ETV1: variants seen among roughly 807,000 people sequenced by gnomAD.
ETV1 encodes the protein ETS translocation variant 1.
A neutral mutation model predicts 62.3 loss-of-function variants in ETV1; 27 were observed. That is an observed-to-expected ratio of 0.43 (90% CI 0.32 to 0.60). The LOEUF (loss-of-function observed/expected upper bound fraction) is 0.60, where lower values mean the gene tolerates loss of function less well. Ranked by LOEUF, ETV1 falls within the 20% of genes least tolerant of loss-of-function variation. The probability of loss-of-function intolerance (pLI) is 0.06; values close to 1 mark genes in which losing one functional copy is unlikely to be tolerated. For missense variants in ETV1, 605 were observed against 605.8 expected, an observed-to-expected ratio of 1.00 and a Z score of 0.01; for synonymous variants, 222 against 199.6, an observed-to-expected ratio of 1.11 and a Z score of -0.94.
intron 5 of ETV1, among the ~76,000 whole-genome samples, chr7:13,981,232 G>A (rs757034091): frequency 1.4e-4 from 21 of 152,054 alleles, no homozygotes; most frequent in Non-Finnish European, 3.1e-4. Flanking sequence ...AGATGTATGA[G>A]TCATTCTTTC....
intron 9 of ETV1, among the ~76,000 whole-genome samples, chr7:13,922,278 C>T (rs931963573): frequency 3.9e-5 from 6 of 152,176 alleles, no homozygotes; most frequent in African/African-American, 1.4e-4. Context: ...AGAAGGCATA[C>T]ATTCGTAACA....
chr7:13,934,656 A>T (rs1384397693), intron 8 of ETV1, among the ~76,000 whole-genome samples: 3 of 152,166 alleles, frequency 2.0e-5, no homozygotes, highest in African/African-American at 7.2e-5. Flanking sequence ...AAAATGCAAA[A>T]CTCATCACTT....
intron 9 of ETV1, among the ~76,000 whole-genome samples, chr7:13,914,174 C>T (rs1049216478): frequency 8.6e-5 from 13 of 151,294 alleles, no homozygotes; most frequent in African/African-American, 2.4e-4. Context: ...CATGAGTCAC[C>T]GCGCCCGGCC....
chr7:13,923,710 G>T (rs1057407982), intron 9 of ETV1, among the ~76,000 whole-genome samples: 1 of 152,058 alleles, frequency 6.6e-6, no homozygotes, highest in African/African-American at 2.4e-5. Flanking sequence ...CCTGGGAGGG[G>T]TTGTTGGGGT....
chr7:13,985,800 A>G (rs966894891), intron 5 of ETV1, among the ~76,000 whole-genome samples: 26 of 152,206 alleles, frequency 1.7e-4, no homozygotes, highest in African/African-American at 6.3e-4. Flanking sequence ...GAATGCCAAC[A>G]GAAGTCCCTC....
At chr7:13,907,574 T>C (rs1783097565) in intron 11 of ETV1, among the ~76,000 whole-genome samples, 1 of 152,114 alleles carries the variant, frequency 6.6e-6, no homozygotes, top group Non-Finnish European at 1.5e-5. Context: ...TCATGACTTC[T>C]GATTATTTAC....
intron 6 of ETV1, among the ~76,000 whole-genome samples, chr7:13,964,578 C>T (rs549446510): frequency 3.9e-4 from 59 of 152,116 alleles, no homozygotes; most frequent in African/African-American, 1.2e-3. Flanking sequence ...CATTGATAAA[C>T]GAGACAAAAC....
intron 6 of ETV1, among the ~76,000 whole-genome samples, chr7:13,959,710 C>G (rs1479300998): frequency 6.6e-6 from 1 of 151,724 alleles, no homozygotes; most frequent in East Asian, 2.0e-4. Flanking sequence ...ATCGTGAAAC[C>G]CTGTCTCTAC....
intron 11 of ETV1, among the ~76,000 whole-genome samples, chr7:13,909,107 C>G (rs1048854375): frequency 4.0e-5 from 6 of 148,334 alleles, no homozygotes; most frequent in Admixed American, 6.8e-5. Context: ...CAAAGTCATG[C>G]TACATTAGTA....
At chr7:13,931,173 T>A (rs1352979406) in intron 9 of ETV1, among the ~76,000 whole-genome samples, 2 of 152,114 alleles carry the variant, frequency 1.3e-5, no homozygotes, top group African/African-American at 4.8e-5. Context: ...AGTAGCACTG[T>A]AGTAGCAAAA....
At chr7:13,948,074 T>C (rs1455253978) in intron 6 of ETV1, among the ~76,000 whole-genome samples, 1 of 152,252 alleles carries the variant, frequency 6.6e-6, no homozygotes, top group African/African-American at 2.4e-5. Flanking sequence ...TTAGGCAATC[T>C]GCCTTCTTTC....
At chr7:13,956,370 G>C (rs1260858997) in intron 6 of ETV1, among the ~76,000 whole-genome samples, 3 of 151,572 alleles carry the variant, frequency 2.0e-5, no homozygotes, top group African/African-American at 4.9e-5. Flanking sequence ...TATTCCAGGA[G>C]TGTACCCTTA....
chr7:13,948,783 C>T (rs1053771503), intron 6 of ETV1, among the ~76,000 whole-genome samples: 4 of 152,082 alleles, frequency 2.6e-5, no homozygotes, highest in Admixed American at 6.6e-5. Flanking sequence ...AGAAGGAAAA[C>T]ACCAAAGTGG....
At chr7:13,961,147 A>G (rs1790119760) in intron 6 of ETV1, among the ~76,000 whole-genome samples, 1 of 108,536 alleles carries the variant, frequency 9.2e-6, no homozygotes, top group Non-Finnish European at 1.7e-5. Flanking sequence ...CCTCATCTCA[A>G]AAAAAAAAGA....
At chr7:13,987,151 T>C (rs1782622455) in intron 4 of ETV1, 1 of 147,052 alleles carries the variant, frequency 6.8e-6, no homozygotes, top group African/African-American at 2.8e-5. Flanking sequence ...TGTCAAAGTA[T>C]TATGTTTTCA....
At chr7:13,912,769 G>C (rs984213416) in intron 9 of ETV1, among the ~76,000 whole-genome samples, 3 of 152,088 alleles carry the variant, frequency 2.0e-5, no homozygotes, top group Non-Finnish European at 2.9e-5. Context: ...GTCCAGAGAA[G>C]CCTGAAAAAA....
chr7:13,931,737 C>T lies in ETV1; in HGVS notation c.567G>A (p.Gln189=), dbSNP rs1786197032. The T allele has an allele frequency of 1.2e-6, 2 of 1,613,858 alleles. No homozygotes were observed. Among genetic ancestry groups the T allele is most frequent in the African/African-American group, 2.7e-5 (2 of 74,930 alleles). ...GAAAGGAGTTACAGGGTTCAGAAAG[C>T]TGGCGGCGAAATCTAGGGAATAAGA... ...SYPMDHRFRR[Q]LSEPCNSFPP... Residue 189 remains glutamine (Q), a synonymous_variant, in exon 9 of 14, where the codon CAG becomes CAA. Transcript: ENST00000430479.
chr7:13,969,831 G>A (rs1316992080), intron 6 of ETV1, among the ~76,000 whole-genome samples: 1 of 152,168 alleles, frequency 6.6e-6, no homozygotes, highest in Non-Finnish European at 1.5e-5. Flanking sequence ...TGCAGTACAA[G>A]CATATTATTT....
At chr7:13,918,887 A>AAAG (rs1006925335) in intron 9 of ETV1, among the ~76,000 whole-genome samples, 2 of 151,446 alleles carry the variant, frequency 1.3e-5, no homozygotes, top group African/African-American at 4.9e-5. Flanking sequence ...AAAAAAAAAA[A>AAAG]AAGAAGTTCA....
Sources: gnomAD v4.1 joint callset for allele counts (sites outside exome capture counted in the v4.1 genomes callset) on GRCh38, gnomAD v4.1.1 for gene constraint, MANE v1.5 for transcripts, NCBI Gene and HGNC (gene_info 2026-07-23, HGNC 2026-07-21) for gene names.